Variants in JARID2 observed in about 807,000 individuals in gnomAD.
JARID2 encodes the protein protein Jumonji.
JARID2 carries 21 observed loss-of-function variants against 125.6 expected under a neutral mutation model. That is an observed-to-expected ratio of 0.17 (90% confidence interval 0.12 to 0.24). The LOEUF (loss-of-function observed/expected upper bound fraction) is 0.24. JARID2 is among the 10% of genes least tolerant of loss of function. The probability of loss-of-function intolerance (pLI) is 1.00; values close to 1 mark genes in which losing one functional copy is unlikely to be tolerated. For missense variants in JARID2, 1,303 were observed against 1,639.6 expected (o/e 0.79, Z 3.55); for synonymous variants, 736 against 661.6 (o/e 1.11, Z -1.73).
At chr6:15,425,313 T>C (rs892721674) in intron 3 of JARID2, among the ~76,000 whole-genome samples, 14 of 152,230 alleles carry the variant, frequency 9.2e-5, no homozygotes, top group African/African-American at 3.4e-4. Flanking sequence ...AAACGCATGC[T>C]AATAGTTTTC....
chr6:15,303,491 G>A (rs769906961), intron 1 of JARID2, among the ~76,000 whole-genome samples: 14 of 152,230 alleles, frequency 9.2e-5, no homozygotes, highest in Non-Finnish European at 1.5e-5. Context: ...TCCCTCTTTG[G>A]TGGGTGCTTT....
At chr6:15,327,709 A>G (rs890915614) in intron 1 of JARID2, among the ~76,000 whole-genome samples, 19 of 152,188 alleles carry the variant, frequency 1.2e-4, no homozygotes, top group African/African-American at 4.6e-4. Flanking sequence ...AAAACAGCAG[A>G]ACTATAGAAA....
intron 3 of JARID2, among the ~76,000 whole-genome samples, chr6:15,436,227 A>T (rs924918304): frequency 1.3e-5 from 2 of 152,170 alleles, no homozygotes; most frequent in African/African-American, 4.8e-5. Flanking sequence ...GTATCAGAAG[A>T]ATCGGATCAC....
Position 15,520,773 on chromosome 6 carries a change from G to A in JARID2, c.*522G>A, listed in dbSNP as rs1251751665. 6.6e-6 allele frequency: 3 copies of A among 455,856 alleles called. No individual in the cohort carries two copies. The Admixed American group carries it at 7.1e-5, about 11-fold the overall frequency. The allele number at this position is 455,856 out of a possible 1,614,324, so 28.2% of individuals were successfully genotyped here. ...TGTGCCAGATGAGCTTGTGATCTGG[G>A]AAGCCGGGGCACCCCCGTTTTGTTT... On this transcript the variant is annotated 3_prime_UTR_variant, in exon 18 of 18. Coordinates refer to ENST00000341776, the MANE Select transcript of JARID2 (RefSeq NM_004973.4).
intron 3 of JARID2, among the ~76,000 whole-genome samples, chr6:15,415,817 G>C (rs1232106719): frequency 1.7e-5 from 2 of 119,804 alleles, no homozygotes; most frequent in African/African-American, 5.9e-5. Flanking sequence ...GGCCGGGCGG[G>C]GGGCTGACCC....
intron 1 of JARID2, among the ~76,000 whole-genome samples, chr6:15,356,060 C>T (rs1283580164): frequency 1.3e-5 from 2 of 152,206 alleles, no homozygotes; most frequent in African/African-American, 4.8e-5. Flanking sequence ...GACTTCGTAG[C>T]AATGGAATCC....
chr6:15,373,268 C>G (rs774214810), intron 1 of JARID2, among the ~76,000 whole-genome samples: 2 of 152,190 alleles, frequency 1.3e-5, no homozygotes, highest in African/African-American at 4.8e-5. Flanking sequence ...TCTCAAGTCT[C>G]TGTATAATTT....
At chr6:15,291,207 C>G (rs1257170697) in intron 1 of JARID2, among the ~76,000 whole-genome samples, 2 of 152,072 alleles carry the variant, frequency 1.3e-5, no homozygotes, top group East Asian at 3.9e-4. Flanking sequence ...TTCATTCCAG[C>G]CTGGGTAATA....
chr6:15,255,009 A>G (rs1232538299), intron 1 of JARID2, among the ~76,000 whole-genome samples: 3 of 151,286 alleles, frequency 2.0e-5, no homozygotes, highest in Non-Finnish European at 4.4e-5. Context: ...GTCTCCAAAA[A>G]AAACAAAACA....
intron 7 of JARID2, among the ~76,000 whole-genome samples, chr6:15,500,186 C>T (rs544375537): frequency 2.0e-5 from 3 of 152,272 alleles, no homozygotes; most frequent in Admixed American, 6.5e-5. Context: ...TGTGCATTTG[C>T]GCTGCTCTGT....
chr6:15,286,992 G>A (rs1476668010), intron 1 of JARID2, among the ~76,000 whole-genome samples: 1 of 152,124 alleles, frequency 6.6e-6, no homozygotes, highest in African/African-American at 2.4e-5. Context: ...GCAGGCGCCT[G>A]TAATCCCAGC....
intron 6 of JARID2, among the ~76,000 whole-genome samples, chr6:15,488,691 TAGGC>T (rs1002707209): frequency 2.6e-5 from 4 of 152,170 alleles, no homozygotes; most frequent in African/African-American, 7.2e-5. Context: ...TAGTCACACA[TAGGC>T]AGACAGGTAT....
chr6:15,365,374 C>A, intron 1 of JARID2, among the ~76,000 whole-genome samples: 1 of 152,050 alleles, frequency 6.6e-6, no homozygotes, highest in East Asian at 1.9e-4. Context: ...TGCCGTGTTG[C>A]GTGGTTCTGG....
chr6:15,250,279 A>G (rs1195044625), intron 1 of JARID2, among the ~76,000 whole-genome samples: 1 of 144,966 alleles, frequency 6.9e-6, no homozygotes, highest in Non-Finnish European at 1.6e-5. Context: ...ATTACAAAGA[A>G]AAAAGTAGGA....
chr6:15,446,726 G>A (rs1414881942), intron 3 of JARID2, among the ~76,000 whole-genome samples: 4 of 152,322 alleles, frequency 2.6e-5, no homozygotes, highest in Admixed American at 2.6e-4. Flanking sequence ...CTTAAATGGT[G>A]TTCACTCAGC....
chr6:15,387,535 G>T (rs918663728), intron 2 of JARID2, among the ~76,000 whole-genome samples: 1 of 152,012 alleles, frequency 6.6e-6, no homozygotes, highest in East Asian at 1.9e-4. Context: ...ATTTACCCTC[G>T]ATCACCTTCT....
intron 1 of JARID2, among the ~76,000 whole-genome samples, chr6:15,306,328 CTTTTTT>C (rs398000594): frequency 0.049 from 4,880 of 99,386 alleles, 114 homozygotes; most frequent in South Asian, 0.16. Flanking sequence ...AGTCATATTT[CTTTTTT>C]TTTTTTTTTT....
Position 15,496,424 on chromosome 6 carries a change from C to T in JARID2, c.1199C>T (p.Thr400Ile). The part of the protein sequence containing the change: ...VLSLGGASKS[T>I]GPAVNGLKVS... ...TCCCTCGGGGGGGCGTCCAAGTCCA[C>T]TGGGCCCGCCGTCAATGGCCTCAAG... Residue 400 changes from threonine to isoleucine, a missense_variant, in exon 7 of 18, where the codon ACT (threonine) becomes ATT (isoleucine). Thr to Ile is a moderately conservative substitution (Grantham distance 89). Coordinates refer to ENST00000341776, the MANE Select transcript of JARID2 (RefSeq NM_004973.4). 1 of 1,613,752 alleles carries T rather than the reference C, an allele frequency of 6.2e-7. No individual in the cohort carries two copies. Among genetic ancestry groups the T allele is most frequent in the Non-Finnish European group, 8.5e-7 (1 of 1,179,906 alleles).
At chr6:15,465,759 T>G (rs1561881435) in intron 4 of JARID2, among the ~76,000 whole-genome samples, 1 of 152,152 alleles carries the variant, frequency 6.6e-6, no homozygotes, top group Non-Finnish European at 1.5e-5. Context: ...ATATTTTTAT[T>G]GGATCTTACT....
Sources: gnomAD v4.1 joint callset for allele counts (sites outside exome capture counted in the v4.1 genomes callset) on GRCh38, gnomAD v4.1.1 for gene constraint, MANE v1.5 for transcripts, NCBI Gene and HGNC (gene_info 2026-07-23, HGNC 2026-07-21) for gene names.